COL5A2: variants seen among roughly 807,000 people sequenced by gnomAD.
COL5A2 encodes the protein collagen alpha-2(V) chain.
COL5A2 carries 23 observed loss-of-function variants against 208.2 expected under a neutral mutation model. The observed-to-expected ratio is 0.11, with a 90% confidence interval of 0.08 to 0.16. The LOEUF is 0.16. COL5A2 is among the 10% of genes least tolerant of loss of function. COL5A2 has a pLI of 1.00. For synonymous variants in COL5A2, 625 were observed against 628.5 expected (o/e 0.99, Z 0.08); for missense variants, 1,590 against 1,956.4 (o/e 0.81, Z 3.53).
chr2:189,337,386 T>G, the COL5A2 span, among the ~76,000 whole-genome samples: 2 of 151,720 alleles, frequency 1.3e-5, no homozygotes, highest in African/African-American at 4.8e-5. Context: ...GTTTCACCGT[T>G]TTAGCCCGGA....
chr2:189,242,730 G>GATAAATTACAAAGTATA, the COL5A2 span, among the ~76,000 whole-genome samples: 1 of 152,198 alleles, frequency 6.6e-6, no homozygotes, highest in South Asian at 2.1e-4. Context: ...TATAAAGTGG[G>GATAAATTACAAAGTATA]AAGTTTGATA....
At chr2:189,103,344 C>T (rs1576528912) in intron 3 of COL5A2, among the ~76,000 whole-genome samples, 1 of 152,054 alleles carries the variant, frequency 6.6e-6, no homozygotes, top group South Asian at 2.1e-4. Context: ...TAAAACTGGC[C>T]AGGATCTCCC....
intron 1 of COL5A2, among the ~76,000 whole-genome samples, chr2:189,206,765 G>T (rs897320333): frequency 3.9e-5 from 6 of 152,156 alleles, no homozygotes; most frequent in Non-Finnish European, 8.8e-5. Flanking sequence ...GAGCCACAGA[G>T]GACAGCAGGA....
the COL5A2 span, among the ~76,000 whole-genome samples, chr2:189,337,064 G>T: frequency 1.3e-5 from 2 of 151,864 alleles, no homozygotes; most frequent in Non-Finnish European, 2.9e-5. Context: ...TACATATTTT[G>T]CTCAATACAA....
chr2:189,355,736 C>A, the COL5A2 span, among the ~76,000 whole-genome samples: 7 of 152,088 alleles, frequency 4.6e-5, no homozygotes, highest in Non-Finnish European at 8.8e-5. Context: ...ATCCAATTTG[C>A]CAGTCTGTGT....
intron 1 of COL5A2, among the ~76,000 whole-genome samples, chr2:189,186,992 G>T (rs1347994400): frequency 6.6e-6 from 1 of 151,926 alleles, no homozygotes; most frequent in Non-Finnish European, 1.5e-5. Context: ...GTCATATTTT[G>T]GGAAAAGTTT....
intron 8 of COL5A2, among the ~76,000 whole-genome samples, chr2:189,087,170 T>TTACA (rs146381885): frequency 6.6e-6 from 1 of 152,226 alleles, no homozygotes; most frequent in South Asian, 2.1e-4. Context: ...TTCTTATAAC[T>TTACA]TAAATAAGTT....
chr2:189,311,500 C>T, the COL5A2 span: 2 of 1,086,162 alleles, frequency 1.8e-6, no homozygotes, highest in Non-Finnish European at 2.7e-6. Flanking sequence ...CTGCCCGAGT[C>T]TGTGCCAGCT....
In COL5A2 at chr2:189,207,444, A is replaced by G. The variant is rs146034171; in HGVS notation, c.-42+17704T>C. 2.7e-3 allele frequency among the ~76,000 whole-genome samples: 411 copies of G among 152,306 alleles called. 2 individuals are homozygous for G. Among genetic ancestry groups the G allele is most frequent in the African/African-American group, 9.2e-3 (384 of 41,572 alleles). On this transcript the variant is annotated intron_variant, in intron 1 of 10. Coordinates refer to the COL5A2 transcript ENST00000649966. ...CTTGCTTTGTTATTTTACAATTTCA[A>G]TTAATTCCCTTTAATAGCATTCACC...
chr2:189,209,208 GA>G (rs1689179577), intron 1 of COL5A2, among the ~76,000 whole-genome samples: 1 of 151,930 alleles, frequency 6.6e-6, no homozygotes, highest in Non-Finnish European at 1.5e-5. Context: ...TCTTTATATT[GA>G]AAAACTCAGT....
intron 51 of COL5A2, among the ~76,000 whole-genome samples, chr2:189,038,515 A>G (rs1048191647): frequency 6.6e-6 from 1 of 152,144 alleles, no homozygotes; most frequent in African/African-American, 2.4e-5. Flanking sequence ...TCTTTTTGGT[A>G]GAACGATTTA....
At chr2:189,421,669 C>A in the COL5A2 span, among the ~76,000 whole-genome samples, 2 of 152,180 alleles carry the variant, frequency 1.3e-5, no homozygotes, top group African/African-American at 4.8e-5. Context: ...GCCTCAATGA[C>A]TGCCCAGGGA....
chr2:189,083,576 T>C (rs373447078), intron 12 of COL5A2, among the ~76,000 whole-genome samples: 226 of 152,090 alleles, frequency 1.5e-3, no homozygotes, highest in African/African-American at 5.0e-3. Context: ...TTTAGACATA[T>C]GTGACAATAT....
intron 1 of COL5A2, among the ~76,000 whole-genome samples, chr2:189,111,652 T>G (rs1006039875): frequency 6.6e-6 from 1 of 152,212 alleles, no homozygotes; most frequent in Non-Finnish European, 1.5e-5. Context: ...CACTCAGCCA[T>G]TCATTCATTT....
At chr2:189,324,472 A>T in the COL5A2 span, among the ~76,000 whole-genome samples, 1 of 152,242 alleles carries the variant, frequency 6.6e-6, no homozygotes, top group African/African-American at 2.4e-5. Context: ...TTTACAAGAA[A>T]AAAACAAACA....
rs13416517 is a variant in COL5A2 at position 189,084,902 on chromosome 2, A to G, written c.798+258T>C. On this transcript the variant is annotated intron_variant, in intron 11 of 53. Transcript: ENST00000374866. ...TTGCTACTGTGACAACAAGCCTAGC[A>G]TCTAATGGAGAAATCTTAACAAAAA... Among the ~76,000 whole-genome samples, 6,700 of 152,244 alleles carry G rather than the reference A, an allele frequency of 0.044. 515 individuals carry two copies. Among genetic ancestry groups the G allele is most frequent in the African/African-American group, 0.15 (6,363 of 41,496 alleles).
intron 1 of COL5A2, among the ~76,000 whole-genome samples, chr2:189,120,821 T>C (rs1176148488): frequency 6.6e-6 from 1 of 152,222 alleles, no homozygotes; most frequent in Non-Finnish European, 1.5e-5. Flanking sequence ...TGTTTTAGTC[T>C]TCCAACACCT....
intron 1 of COL5A2, among the ~76,000 whole-genome samples, chr2:189,158,486 T>C (rs1180184291): frequency 6.6e-6 from 1 of 152,070 alleles, no homozygotes; most frequent in Non-Finnish European, 1.5e-5. Flanking sequence ...GTCAAATATA[T>C]GAACCAAATG....
At chr2:189,335,248 T>C in the COL5A2 span, among the ~76,000 whole-genome samples, 45 of 152,146 alleles carry the variant, frequency 3.0e-4, no homozygotes, top group African/African-American at 1.1e-3. Flanking sequence ...CAAAAAATCA[T>C]TTGTCATCAG....
Sources: allele counts gnomAD v4.1 joint callset (sites outside exome capture counted in the v4.1 genomes callset), GRCh38; gene constraint gnomAD v4.1.1; transcripts MANE v1.5; gene names NCBI Gene and HGNC (gene_info 2026-07-23, HGNC 2026-07-21).